Variants in PCDHA4 observed in about 807,000 individuals in gnomAD.
The protein encoded by PCDHA4 is protocadherin alpha 4, also known as protocadherin alpha-4.
Under a neutral mutation model 61.4 loss-of-function variants are expected in PCDHA4, and 49 were observed. That is an observed-to-expected ratio of 0.80 (90% CI 0.63 to 1.01). The LOEUF is 1.01. PCDHA4 is among the 50% of genes least tolerant of loss of function. The probability of loss-of-function intolerance (pLI) is 0.00; values close to 1 mark genes in which losing one functional copy is unlikely to be tolerated. For synonymous variants in PCDHA4, 590 were observed against 550.3 expected (o/e 1.07, Z -1.01); for missense variants, 1,254 against 1,235.8 (o/e 1.01, Z -0.22).
rs141028628 is a variant in PCDHA4 at position 140,891,378 on chromosome 5, T to A, written c.2385+81806T>A. Among the ~76,000 whole-genome samples the A allele has an allele frequency of 2.3e-4, 35 of 152,222 alleles. 1 individual carries two copies. The East Asian group carries it at 6.8e-3, about 29-fold the overall frequency. On this transcript the variant is annotated intron_variant, in intron 1 of 3. Coordinates refer to ENST00000530339, the MANE Select transcript of PCDHA4 (RefSeq NM_018907.4). ...CACCTGAGCAGTATACATTGCACCA[T>A]ATTTGCAATCTTTTATCCCTCGCCA...
intron 1 of PCDHA4, chr5:140,827,876 G>T: frequency 1.5e-6 from 1 of 646,280 alleles, no homozygotes; most frequent in East Asian, 2.7e-5. Context: ...GCACTGTTAC[G>T]TGAATTGATT....
In PCDHA4 at chr5:140,982,645, G is replaced by A. The variant is rs2096993238; in HGVS notation, c.2533+82G>A. 3.3e-6 allele frequency: 5 copies of A among 1,522,444 alleles called. No homozygotes were observed. In the East Asian group the frequency reaches 1.2e-4, roughly 36 times the overall value. 94.3% of individuals were successfully genotyped at this position (1,522,444 alleles called of 1,614,324 possible). A position where few individuals can be genotyped will look rare whatever the true frequency, so the allele number is the denominator to read the frequency against. On this transcript the variant is annotated intron_variant, in intron 3 of 3. Transcript: ENST00000530339. ...CTACTTTTGTAAGATCAGGAATGTT[G>A]ATGGCTCTTTTTCTTTTATATTTTT...
chr5:140,957,852 A>AT (rs5871756), intron 1 of PCDHA4, among the ~76,000 whole-genome samples: 44,688 of 151,688 alleles, frequency 0.29, 7,154 homozygotes, highest in East Asian at 0.53. Context: ...GAGTTTGTGT[A>AT]TTTTTTTTCC....
chr5:140,877,782 GGCCTTCAGCCCAA>G, intron 1 of PCDHA4: 1 of 1,614,154 alleles, frequency 6.2e-7, no homozygotes, highest in Non-Finnish European at 8.5e-7. Context: ...CGGACCTCAT[GGCCTTCAGCCCAA>G]GCCTTCAGCT....
chr5:140,955,639 C>T (rs2095212239), intron 1 of PCDHA4, among the ~76,000 whole-genome samples: 1 of 152,088 alleles, frequency 6.6e-6, no homozygotes, highest in African/African-American at 2.4e-5. Flanking sequence ...AGTGTGAGAA[C>T]AAATTAATAC....
Position 140,809,586 on chromosome 5 carries a change from AT to A in PCDHA4, c.2385+15del. Reference sequence around the variant, plus strand: ...TCCTTTGCAAAGGTTAGTGTATAACATCCTTTTGTTTAATTTTCGTATTGTT... The same window carrying A: ...TCCTTTGCAAAGGTTAGTGTATAACACCTTTTGTTTAATTTTCGTATTGTT... On this transcript the variant is annotated intron_variant, in intron 1 of 3. Coordinates refer to ENST00000530339, the MANE Select transcript of PCDHA4 (RefSeq NM_018907.4). 1 of 1,544,520 alleles carries A rather than the reference AT, an allele frequency of 6.5e-7. No homozygotes were observed. The highest frequency in any genetic ancestry group is 8.7e-7 in the Non-Finnish European group (1 of 1,144,510).
chr5:141,008,362 G>A (rs2098372939), intron 3 of PCDHA4, among the ~76,000 whole-genome samples: 1 of 152,172 alleles, frequency 6.6e-6, no homozygotes, highest in Non-Finnish European at 1.5e-5. Flanking sequence ...AACCAAAGGA[G>A]CAGTGTTAGA....
intron 1 of PCDHA4, among the ~76,000 whole-genome samples, chr5:140,880,576 A>G (rs1274181037): frequency 6.6e-6 from 1 of 152,216 alleles, no homozygotes; most frequent in African/African-American, 2.4e-5. Flanking sequence ...ATTTGAGAAG[A>G]GAGGAAAGAG....
At chr5:140,845,380 G>A (rs1779849548) in intron 1 of PCDHA4, among the ~76,000 whole-genome samples, 1 of 149,264 alleles carries the variant, frequency 6.7e-6, no homozygotes, top group South Asian at 2.1e-4. Context: ...TAAATAGGAG[G>A]ATTCTTTCCA....
At position 140,960,518 on chromosome 5, in the gene PCDHA4, G is replaced by A. The variant is rs555475003; in HGVS notation, c.2386-18431G>A. Among the ~76,000 whole-genome samples the A allele has an allele frequency of 2.6e-5, 4 of 152,176 alleles. No homozygotes were observed. The East Asian group carries it at 7.7e-4, about 29-fold the overall frequency. ...TTTGTTCCAAGCAGCAAACATAATG[G>A]GTATAGGAAAGAGAAACTGTGGCCT... On this transcript the variant is annotated intron_variant, in intron 1 of 3. Coordinates refer to ENST00000530339, the MANE Select transcript of PCDHA4 (RefSeq NM_018907.4).
At chr5:140,882,961 G>A (rs267600401) in intron 1 of PCDHA4, 1 of 1,614,180 alleles carries the variant, frequency 6.2e-7, no homozygotes, top group Non-Finnish European at 8.5e-7. Context: ...TGCTCATCAC[G>A]ATTCTGGACG....
At chr5:140,968,263 G>A (rs782272055) in intron 1 of PCDHA4, 20 of 1,613,978 alleles carry the variant, frequency 1.2e-5, no homozygotes, top group Middle Eastern at 3.3e-4. Flanking sequence ...CAGATGAAAA[G>A]GAGAATGCAG....
At chr5:140,967,390 G>A (rs2096135950) in intron 1 of PCDHA4, 2 of 1,609,752 alleles carry the variant, frequency 1.2e-6, no homozygotes, top group African/African-American at 1.3e-5. Context: ...AAGTGCTTGA[G>A]CTGGTGCTGC....
chr5:140,878,273 G>T (rs2057527007), intron 1 of PCDHA4, among the ~76,000 whole-genome samples: 1 of 152,096 alleles, frequency 6.6e-6, no homozygotes, highest in Non-Finnish European at 1.5e-5. Flanking sequence ...TTTTAAAATA[G>T]CCTTCTTGAT....
intron 1 of PCDHA4, chr5:140,830,251 G>T (rs1554132671): frequency 1.2e-6 from 2 of 1,613,772 alleles, no homozygotes; most frequent in Admixed American, 1.7e-5. Flanking sequence ...TGTACACAGC[G>T]CTGCGGTGCT....
At chr5:140,937,933 A>T (rs1452935525) in intron 1 of PCDHA4, among the ~76,000 whole-genome samples, 1 of 151,854 alleles carries the variant, frequency 6.6e-6, no homozygotes, top group Non-Finnish European at 1.5e-5. Flanking sequence ...AAAAAGTTTA[A>T]TTTGATAATT....
At chr5:140,882,175 G>A in intron 1 of PCDHA4, 1 of 1,515,150 alleles carries the variant, frequency 6.6e-7, no homozygotes. Flanking sequence ...GAATCCTTCC[G>A]CACTAGGAAG....
At chr5:140,888,593 A>C (rs1165427237) in intron 1 of PCDHA4, among the ~76,000 whole-genome samples, 1 of 152,256 alleles carries the variant, frequency 6.6e-6, no homozygotes, top group Admixed American at 6.5e-5. Context: ...GTACACATTC[A>C]GAGCAGCTTT....
chr5:140,938,065 C>A (rs2091903151), intron 1 of PCDHA4, among the ~76,000 whole-genome samples: 1 of 152,094 alleles, frequency 6.6e-6, no homozygotes, highest in Admixed American at 6.5e-5. Context: ...TACTGTCATG[C>A]TATTCCCAAA....
Sources: gnomAD v4.1 joint callset for allele counts (sites outside exome capture counted in the v4.1 genomes callset) on GRCh38, gnomAD v4.1.1 for gene constraint, MANE v1.5 for transcripts, NCBI Gene and HGNC (gene_info 2026-07-23, HGNC 2026-07-21) for gene names.